The following ITGA6 variants were observed in gnomAD, a reference collection of about 807,000 sequenced individuals.
The protein encoded by ITGA6 is integrin subunit alpha 6.
ITGA6 carries 63 observed loss-of-function variants against 133.6 expected under a neutral mutation model. That is an observed-to-expected ratio of 0.47 (90% CI 0.38 to 0.58). ITGA6 has a LOEUF of 0.58. ITGA6 is among the 20% of genes least tolerant of loss of function. ITGA6 has a pLI of 0.00. For missense variants in ITGA6, 1,068 were observed against 1,309.4 expected (o/e 0.82, Z 2.85); for synonymous variants, 434 against 482.0 (o/e 0.90, Z 1.30).
At chr2:172,489,121 G>C (rs944936447) in intron 19 of ITGA6, among the ~76,000 whole-genome samples, 1 of 152,188 alleles carries the variant, frequency 6.6e-6, no homozygotes, top group African/African-American at 2.4e-5. Flanking sequence ...CACTGCCTTG[G>C]CCCAGGACTT....
intron 3 of ITGA6, among the ~76,000 whole-genome samples, chr2:172,468,619 A>C (rs10497383): frequency 0.15 from 22,076 of 152,144 alleles, 1,721 homozygotes; most frequent in Non-Finnish European, 0.17. Flanking sequence ...TCAGGGTGTA[A>C]GTTAGGACTG....
At chr2:172,502,874 G>A (rs750874812) in intron 25 of ITGA6, among the ~76,000 whole-genome samples, 2 of 152,106 alleles carry the variant, frequency 1.3e-5, no homozygotes, top group Non-Finnish European at 2.9e-5. Flanking sequence ...TTGCCATTCA[G>A]CTTTACATAT....
chr2:172,496,408 G>A (rs139411251), intron 23 of ITGA6, among the ~76,000 whole-genome samples: 2 of 152,324 alleles, frequency 1.3e-5, no homozygotes, highest in African/African-American at 4.8e-5. Context: ...TCTATTGAAT[G>A]TTTAAAGAAA....
intron 1 of ITGA6, among the ~76,000 whole-genome samples, chr2:172,434,897 G>A (rs1213058725): frequency 6.6e-6 from 1 of 152,126 alleles, no homozygotes; most frequent in African/African-American, 2.4e-5. Flanking sequence ...ACACTGGTTA[G>A]TTGAAGAGTA....
At chr2:172,446,966 T>C (rs947463629) in intron 1 of ITGA6, among the ~76,000 whole-genome samples, 1 of 151,882 alleles carries the variant, frequency 6.6e-6, no homozygotes, top group Non-Finnish European at 1.5e-5. Flanking sequence ...GGCGCAATCT[T>C]GGCTTAGTGC....
At chr2:172,477,865 G>A (rs1254354647) in intron 9 of ITGA6, among the ~76,000 whole-genome samples, 2 of 152,288 alleles carry the variant, frequency 1.3e-5, no homozygotes, top group East Asian at 3.9e-4. Flanking sequence ...TGAATCCTGT[G>A]CATTTTTTCT....
At chr2:172,497,440 G>A (rs1307665725) in intron 23 of ITGA6, among the ~76,000 whole-genome samples, 1 of 150,432 alleles carries the variant, frequency 6.6e-6, no homozygotes, top group East Asian at 2.0e-4. Context: ...GGTTGAGGCT[G>A]CAGTGACCCA....
intron 5 of ITGA6, chr2:172,472,624 C>G: frequency 1.7e-6 from 1 of 599,566 alleles, no homozygotes; most frequent in South Asian, 2.0e-5. Context: ...ACAAAACGAT[C>G]TGCTTGAGGT....
rs1255212976 is a variant in ITGA6, at chr2:172,504,255, G to A, written c.*187G>A. 1.3e-6 allele frequency: 2 copies of A among 1,542,866 alleles called. No individual in the cohort carries two copies. Among genetic ancestry groups the A allele is most frequent in the East Asian group, 2.3e-5 (1 of 42,644 alleles). On this transcript the variant is annotated 3_prime_UTR_variant, in exon 26 of 26. Transcript: ENST00000684293. ...ACGAAAATGAAAGCTACTCATAGCG[G>A]GGGCCTAAAAAAAAAAAGCTTCACA...
intron 1 of ITGA6, among the ~76,000 whole-genome samples, chr2:172,441,559 T>TTA (rs1684542052): frequency 1.8e-4 from 9 of 48,820 alleles, no homozygotes; most frequent in African/African-American, 4.1e-4. Flanking sequence ...GCTGTCTCTT[T>TTA]AAAAAAAAAA....
chr2:172,440,732 AG>A (rs1684504989), intron 1 of ITGA6, among the ~76,000 whole-genome samples: 1 of 152,254 alleles, frequency 6.6e-6, no homozygotes, highest in Non-Finnish European at 1.5e-5. Flanking sequence ...TGGCACCAAC[AG>A]CCTTTGAGAA....
At chr2:172,499,555 C>T (rs1016655297) in intron 24 of ITGA6, among the ~76,000 whole-genome samples, 1 of 151,948 alleles carries the variant, frequency 6.6e-6, no homozygotes, top group African/African-American at 2.4e-5. Context: ...AAAGGTGAGG[C>T]CTTGCTGTGT....
intron 4 of ITGA6, 50 bp from the exon 5 acceptor site, chr2:172,470,923 CT>C (rs1426358364): frequency 1.9e-6 from 3 of 1,593,672 alleles, no homozygotes; most frequent in Non-Finnish European, 2.6e-6. Context: ...CATTTATTTT[CT>C]TTTGTTTCAT....
chr2:172,466,348 G>A (rs116108611), intron 2 of ITGA6, among the ~76,000 whole-genome samples: 7,832 of 152,208 alleles, frequency 0.051, 362 homozygotes, highest in East Asian at 0.26. Flanking sequence ...GCCAGGCGTC[G>A]GTGGCTCACA....
intron 9 of ITGA6, 64 bp from the exon 10 acceptor site, chr2:172,479,577 G>A (rs1051971914): frequency 3.8e-6 from 5 of 1,324,360 alleles, no homozygotes; most frequent in Admixed American, 3.4e-5. Flanking sequence ...TCTCTAGTAT[G>A]TGAATTAGAC....
At chr2:172,461,779 G>A (rs1460519574) in intron 1 of ITGA6, among the ~76,000 whole-genome samples, 2 of 152,134 alleles carry the variant, frequency 1.3e-5, no homozygotes, top group Non-Finnish European at 2.9e-5. Context: ...GTGGGCTGAG[G>A]GTCCTCCTAG....
At chr2:172,458,298 T>C (rs1242215227) in intron 1 of ITGA6, among the ~76,000 whole-genome samples, 1 of 151,000 alleles carries the variant, frequency 6.6e-6, no homozygotes, top group African/African-American at 2.4e-5. Flanking sequence ...TGGAGTGCAG[T>C]AGTACAATCT....
At position 172,474,949 on chromosome 2, in the gene ITGA6, G is replaced by C; in HGVS notation, c.1007G>C (p.Gly336Ala). The C allele has an allele frequency of 6.4e-7, 1 of 1,573,602 alleles. No individual in the cohort carries two copies. Among genetic ancestry groups the C allele is most frequent in the South Asian group, 1.1e-5 (1 of 90,294 alleles). ...TTTAGGTGGCAAGATATAGTTATTG[G>C]AGCCCCACAGTATTTTGATAGAGAT... ...NKDGWQDIVI[G>A]APQYFDRDGE... The change falls in exon 7 of 26, where the codon GGA (glycine) becomes GCA (alanine). Residue 336 changes from glycine (G) to alanine (A), a missense_variant. Around this residue, in one of 3 missense-constraint regions of ITGA6, gnomAD observed 317 missense variants for 456.9 expected, o/e 0.69. Transcript: ENST00000684293.
intron 23 of ITGA6, among the ~76,000 whole-genome samples, chr2:172,493,298 A>C (rs1454331756): frequency 6.6e-6 from 1 of 152,072 alleles, no homozygotes; most frequent in Admixed American, 6.6e-5. Context: ...TCTCCAGGAC[A>C]TATCAACAGG....
Sources: gnomAD v4.1 joint callset for allele counts (sites outside exome capture counted in the v4.1 genomes callset) on GRCh38, gnomAD v4.1.1 for gene constraint, gnomAD v4.1.1 regional missense constraint, MANE v1.5 for transcripts, NCBI Gene and HGNC (gene_info 2026-07-23, HGNC 2026-07-21) for gene names.